Variants in COPE observed in about 807,000 individuals in gnomAD.
The protein encoded by COPE is coat protein complex I subunit epsilon, also known as coatomer subunit epsilon.
In COPE, 19 loss-of-function variants were observed where a neutral mutation model predicts 42.1. That is an observed-to-expected ratio of 0.45 (90% CI 0.31 to 0.66). The LOEUF is 0.66. Ranked by LOEUF, COPE falls within the 30% of genes least tolerant of loss-of-function variation. The pLI is 0.05. For missense variants in COPE, 402 were observed against 416.1 expected (o/e 0.97, Z 0.30); for synonymous variants, 195 against 181.3 (o/e 1.08, Z -0.60).
At chr19:18,912,802 C>T (rs1684558500) in intron 2 of COPE, among the ~76,000 whole-genome samples, 182 bp downstream of exon 2, 1 of 151,940 alleles carries the variant, frequency 6.6e-6, no homozygotes, top group South Asian at 2.1e-4. Context: ...AGTCTCAGGC[C>T]TCCGTGACAC....
At chr19:18,903,169 CA>C (rs1414624400) in intron 7 of COPE, 98 bp downstream of exon 7, 5 of 1,312,508 alleles carry the variant, frequency 3.8e-6, no homozygotes, top group African/African-American at 1.5e-5. Context: ...CACGCACACC[CA>C]GGGGGTCTCT....
intron 4 of COPE, chr19:18,906,149 A>T (rs920636121): frequency 1.5e-5 from 6 of 397,098 alleles, no homozygotes; most frequent in Non-Finnish European, 2.7e-5. Flanking sequence ...CTGGACCAGC[A>T]CCGAGTCGGC....
intron 4 of COPE, chr19:18,906,616 C>T (rs544100965): frequency 7.5e-5 from 16 of 212,790 alleles, no homozygotes; most frequent in South Asian, 2.4e-4. Context: ...ATGGGGGGCC[C>T]GGGGAGGCCT....
At position 18,904,848 on chromosome 19, in the gene COPE, C is replaced by T; in HGVS notation, c.502G>A (p.Glu168Lys). The change falls in exon 6 of 10, where the codon GAG (glutamate) becomes AAG (lysine). Residue 168 changes from glutamate to lysine, a missense_variant. By Grantham distance (56) the Glu-to-Lys change is moderately conservative (BLOSUM62 1). Transcript: ENST00000262812. ...KLDRLDLARKELKRMQDLDED... is the reference protein window; with the variant it reads ...KLDRLDLARKKLKRMQDLDED... ...TCCAGGTCCTGCATTCTCTTCAGCT[C>T]CTTCCTGGGGCGGGGACAGATGACA... 1 of 1,553,648 alleles carries T rather than the reference C, an allele frequency of 6.4e-7. No individual in the cohort carries two copies. Among genetic ancestry groups the T allele is most frequent in the Admixed American group, 1.9e-5 (1 of 51,376 alleles).
In COPE at chr19:18,907,788, G is replaced by T. The variant is rs1388305681; in HGVS notation, c.291-676C>A. Among the ~76,000 whole-genome samples the T allele has an allele frequency of 5.9e-5, 9 of 152,340 alleles. No individual in the cohort carries two copies. The East Asian group carries it at 1.7e-3, about 29-fold the overall frequency. On this transcript the variant is annotated intron_variant, in intron 3 of 9. Transcript: ENST00000262812. ...GGGGCCACCCTAGACCAAAGCTGGT[G>T]TTCTTCTGGGTTCAAACGTGGCTCT...
At chr19:18,916,742 C>T (rs927867927) in intron 1 of COPE, among the ~76,000 whole-genome samples, 15 of 150,702 alleles carry the variant, frequency 1.0e-4, no homozygotes, top group African/African-American at 2.2e-4. Context: ...GAGCTGAGAT[C>T]GTGCCACTGC....
chr19:18,900,034 G>C, intron 8 of COPE, 87 bp from the exon 9 acceptor site: 1 of 1,174,664 alleles, frequency 8.5e-7, no homozygotes, highest in East Asian at 2.4e-5. Flanking sequence ...ATTGGGGTGA[G>C]AGCCACAGTA....
chr19:18,903,434 G>C lies in COPE; in HGVS notation c.580-11C>G. 1 of 1,594,134 alleles carries C rather than the reference G, an allele frequency of 6.3e-7. No individual in the cohort carries two copies. The highest frequency in any genetic ancestry group is 8.6e-7 in the Non-Finnish European group (1 of 1,169,096). On this transcript the variant is annotated splice_polypyrimidine_tract_variant and intron_variant, in intron 6 of 9. Coordinates refer to ENST00000262812, the MANE Select transcript of COPE (RefSeq NM_007263.4). ...CAGCTTCTCACCACCCTGCAGGGAG[G>C]GTCCCGCATCATTGCCTGTGCCCCT...
At chr19:18,902,716 A>G (rs763826158) in intron 7 of COPE, among the ~76,000 whole-genome samples, 1,423 of 31,664 alleles carry the variant, frequency 0.045, 54 homozygotes, top group Non-Finnish European at 0.065. Context: ...GAAAGGAAGG[A>G]AAGGAAAGGA....
chr19:18,904,689 C>T (rs2056741651), intron 6 of COPE, 82 bp downstream of exon 6: 2 of 1,251,072 alleles, frequency 1.6e-6, no homozygotes, highest in Non-Finnish European at 2.3e-6. Flanking sequence ...TGGCCAGCAG[C>T]CTACGCACAG....
intron 1 of COPE, among the ~76,000 whole-genome samples, chr19:18,916,827 G>A (rs2056857576): frequency 6.6e-6 from 1 of 150,842 alleles, no homozygotes; most frequent in African/African-American, 2.4e-5. Flanking sequence ...TGGGTGTGGT[G>A]GTGGGCACCT....
chr19:18,916,214 G>T (rs541114537), intron 1 of COPE, among the ~76,000 whole-genome samples: 1 of 152,152 alleles, frequency 6.6e-6, no homozygotes, highest in East Asian at 1.9e-4. Context: ...TTAGCTGGGC[G>T]TGGTGGCAGG....
At chr19:18,908,521 C>CTCTA (rs368392329) in intron 3 of COPE, among the ~76,000 whole-genome samples, 1 of 146,788 alleles carries the variant, frequency 6.8e-6, no homozygotes, top group Admixed American at 6.7e-5. Context: ...CCCCATCTCT[C>CTCTA]TTTTTTTTTT....
At chr19:18,916,360 A>T (rs2056853867) in intron 1 of COPE, among the ~76,000 whole-genome samples, 1 of 151,222 alleles carries the variant, frequency 6.6e-6, no homozygotes, top group African/African-American at 2.4e-5. Flanking sequence ...CTCAAAAAAA[A>T]AAAGTATTCC....
chr19:18,900,131 G>A lies in COPE; in HGVS notation c.805-184C>T, dbSNP rs956428574. ...GGGTGGAGGGATGGGCCTGCCCCCT[G>A]GAGAGGCGCTGGCATGGAGCTGGCC... On this transcript the variant is annotated intron_variant, in intron 8 of 9. Transcript: ENST00000262812. 56 of 628,248 alleles carry A rather than the reference G, an allele frequency of 8.9e-5. No individual in the cohort carries two copies. The South Asian group carries it at 1.1e-3, about 12-fold the overall frequency. 38.9% of individuals were successfully genotyped at this position (628,248 alleles called of 1,614,324 possible).
chr19:18,913,861 AGGG>A (rs1296452832), intron 1 of COPE, among the ~76,000 whole-genome samples: 2 of 152,222 alleles, frequency 1.3e-5, no homozygotes, highest in African/African-American at 2.4e-5. Context: ...GTCAAGGCAC[AGGG>A]TCAAAGGACC....
chr19:18,914,759 T>A (rs2056839632), intron 1 of COPE, among the ~76,000 whole-genome samples: 1 of 148,456 alleles, frequency 6.7e-6, no homozygotes, highest in Non-Finnish European at 1.5e-5. Context: ...CATAGTCTTT[T>A]TTTTTTTTTT....
chr19:18,918,792 A>AT (rs1810445731), intron 1 of COPE, among the ~76,000 whole-genome samples: 1 of 152,242 alleles, frequency 6.6e-6, no homozygotes, highest in South Asian at 2.1e-4. Context: ...TGCTCAATGA[A>AT]GAATGAATGA....
chr19:18,901,283 G>C (rs546474542), intron 7 of COPE, among the ~76,000 whole-genome samples: 1 of 152,384 alleles, frequency 6.6e-6, no homozygotes, highest in East Asian at 1.9e-4. Flanking sequence ...TGTCACCTGA[G>C]AGGTGTAACA....
Sources: gnomAD v4.1 joint callset for allele counts (sites outside exome capture counted in the v4.1 genomes callset) on GRCh38, gnomAD v4.1.1 for gene constraint, MANE v1.5 for transcripts, NCBI Gene and HGNC (gene_info 2026-07-23, HGNC 2026-07-21) for gene names.